LBHD2: variants seen among roughly 807,000 people sequenced by gnomAD.
LBHD2 encodes LBH domain-containing protein 2.
At chr14:103,086,192 G>A in intron 2 of LBHD2, 111 bp downstream of exon 2, 1 of 397,756 alleles carries the variant, frequency 2.5e-6, no homozygotes, top group Non-Finnish European at 4.4e-6. Context: ...CATCTGGGTG[G>A]GGGAGATCAT....
chr14:103,085,189 TCTGCTCTCCCA>T (rs995735654), intron 1 of LBHD2, among the ~76,000 whole-genome samples: 2 of 152,146 alleles, frequency 1.3e-5, no homozygotes, highest in African/African-American at 4.8e-5. Context: ...CCTGCTGGTC[TCTGCTCTCCCA>T]CTGCCTTGTC....
At position 103,088,442 on chromosome 14, in the gene LBHD2, C is replaced by T. The variant is rs375127387; in HGVS notation, c.226+201C>T. On this transcript the variant is annotated intron_variant, in intron 3 of 3. Coordinates refer to ENST00000634353, the MANE Select transcript of LBHD2 (RefSeq NM_001330236.2). ...CTTAACCCCCCTCCCTAGCACCGTC[C>T]TCCCTCCCACCTGCAAATGAGGTCC... Among the ~76,000 whole-genome samples, 17 of 152,374 alleles carry T rather than the reference C, an allele frequency of 1.1e-4. No individual in the cohort carries two copies. In the South Asian group the frequency reaches 3.5e-3, roughly 32 times the overall value.
chr14:103,089,714 C>T lies in LBHD2; in HGVS notation c.244C>T (p.Pro82Ser). Residue 82 changes from proline (P) to serine (S), a missense_variant, in exon 4 of 4, where the codon CCC (proline) becomes TCC (serine). By Grantham distance (74) the Pro-to-Ser change is moderately conservative (BLOSUM62 -1). Transcript: ENST00000634353. ...TTCTGCAGCCCCCTCGCCGAGTCTG[C>T]CCGGAGAACCAGGGAAAGCTGCAGA... ...RAAAAPSPSL[P>S]GEPGKAADNA... 2.5e-6 allele frequency: 1 copy of T among 398,684 alleles called. No homozygotes were observed. The highest frequency in any genetic ancestry group is 4.4e-6 in the Non-Finnish European group (1 of 226,084). 24.7% of individuals were successfully genotyped at this position (398,684 alleles called of 1,614,324 possible).
At position 103,089,668 on chromosome 14, in the gene LBHD2, C is replaced by G. The variant is rs930576613; in HGVS notation, c.227-29C>G. Reference sequence around the variant, plus strand: ...TCTCAGGCTGCACTCCCCCCGCCGACCAACACGGCCGCCTTTATGTTTCTG... The same window carrying G: ...TCTCAGGCTGCACTCCCCCCGCCGAGCAACACGGCCGCCTTTATGTTTCTG... On this transcript the variant is annotated intron_variant, in intron 3 of 3. Transcript: ENST00000634353. The G allele has an allele frequency of 7.5e-6, 3 of 398,548 alleles. No homozygotes were observed. The Admixed American group carries it at 1.3e-4, about 18-fold the overall frequency. The allele number at this position is 398,548 out of a possible 1,614,324, so 24.7% of individuals were successfully genotyped here. A position where few individuals can be genotyped will look rare whatever the true frequency, so the allele number is the denominator to read the frequency against.
chr14:103,085,980 C>T lies in LBHD2; in HGVS notation c.-33C>T, dbSNP rs1170053816. Reference sequence around the variant, plus strand: ...ACACCCCATTTCTGCTCCCAGTCCTCGTGCAGCTTAGTGGCGCAGTGGCGG... The same window carrying T: ...ACACCCCATTTCTGCTCCCAGTCCTTGTGCAGCTTAGTGGCGCAGTGGCGG... On this transcript the variant is annotated 5_prime_UTR_variant, in exon 2 of 4. Transcript: ENST00000634353. 15 of 398,550 alleles carry T rather than the reference C, an allele frequency of 3.8e-5. No individual in the cohort carries two copies. Among genetic ancestry groups the T allele is most frequent in the African/African-American group, 1.2e-4 (6 of 48,626 alleles). The allele number at this position is 398,550 out of a possible 1,614,324, so 24.7% of individuals were successfully genotyped here. A position where few individuals can be genotyped will look rare whatever the true frequency, so the allele number is the denominator to read the frequency against.
chr14:103,087,451 G>T (rs1234770663), intron 2 of LBHD2, among the ~76,000 whole-genome samples: 2 of 152,238 alleles, frequency 1.3e-5, no homozygotes, highest in African/African-American at 4.8e-5. Context: ...GGGCAGGCAA[G>T]TCAGGGCCAC....
chr14:103,087,591 C>A (rs1182324985), intron 2 of LBHD2, among the ~76,000 whole-genome samples: 7 of 152,214 alleles, frequency 4.6e-5, no homozygotes, highest in Admixed American at 1.3e-4. Flanking sequence ...GGGCACTGAA[C>A]AATGAGCCAA....
Position 103,088,232 on chromosome 14 carries a change from G to A in LBHD2, c.217G>A (p.Ala73Thr). The A allele has an allele frequency of 2.5e-6, 1 of 398,894 alleles. No homozygotes were observed. Among genetic ancestry groups the A allele is most frequent in the Non-Finnish European group, 4.4e-6 (1 of 226,278 alleles). The allele number at this position is 398,894 out of a possible 1,614,324, so 24.7% of individuals were successfully genotyped here. A position where few individuals can be genotyped will look rare whatever the true frequency, so the allele number is the denominator to read the frequency against. Reference sequence around the variant, plus strand: ...CCAGAGGGGCCCCTCTCAGAGCCGGGCTGCTGCTGGTAAGTGAGGGTGCCT... The same window carrying A: ...CCAGAGGGGCCCCTCTCAGAGCCGGACTGCTGCTGGTAAGTGAGGGTGCCT... Reference protein sequence around the residue: ...SAQRGPSQSRAAAAPSPSLPG... With the variant: ...SAQRGPSQSRTAAAPSPSLPG... The change falls in exon 3 of 4, where the codon GCT (alanine) becomes ACT (threonine). Residue 73 changes from alanine to threonine, a missense_variant. Physicochemically the swap from Ala to Thr is moderately conservative, Grantham distance 58. Transcript: ENST00000634353.
At chr14:103,084,999 G>A (rs368392461) in intron 1 of LBHD2, among the ~76,000 whole-genome samples, 5 of 152,120 alleles carry the variant, frequency 3.3e-5, no homozygotes, top group Non-Finnish European at 7.4e-5. Flanking sequence ...CCGCTGCCCC[G>A]AGAGGCCTCC....
intron 1 of LBHD2, 34 bp downstream of exon 1, chr14:103,084,381 G>C (rs1003460188): frequency 6.6e-6 from 1 of 152,304 alleles, no homozygotes; most frequent in Non-Finnish European, 1.5e-5. Flanking sequence ...GGAGCATGGG[G>C]GGGGATTTGG....
At chr14:103,087,760 C>G (rs2090084565) in intron 2 of LBHD2, among the ~76,000 whole-genome samples, 1 of 152,186 alleles carries the variant, frequency 6.6e-6, no homozygotes, top group Admixed American at 6.5e-5. Context: ...AGCCTGGGCT[C>G]ATTCCTGGTG....
intron 2 of LBHD2, 76 bp from the exon 3 acceptor site, chr14:103,088,009 G>GGGTC (rs1304905968): frequency 5.0e-6 from 2 of 398,298 alleles, no homozygotes; most frequent in Non-Finnish European, 8.8e-6. Flanking sequence ...TAGTGGGGCA[G>GGGTC]TGTGCAGGAC....
chr14:103,087,616 C>T (rs1889652802), intron 2 of LBHD2, among the ~76,000 whole-genome samples: 2 of 152,212 alleles, frequency 1.3e-5, no homozygotes, highest in Non-Finnish European at 2.9e-5. Flanking sequence ...AAGCCCAGAG[C>T]CAGCCGTTTG....
At chr14:103,089,119 TG>T (rs2139447526) in intron 3 of LBHD2, among the ~76,000 whole-genome samples, 1 of 152,228 alleles carries the variant, frequency 6.6e-6, no homozygotes, top group African/African-American at 2.4e-5. Flanking sequence ...TGAGGGCCAC[TG>T]GGGGCTGGGC....
At position 103,088,106 on chromosome 14, in the gene LBHD2, A is replaced by T; in HGVS notation, c.91A>T (p.Lys31Ter). The T allele has an allele frequency of 2.5e-6, 1 of 398,666 alleles. No individual in the cohort carries two copies. Among genetic ancestry groups the T allele is most frequent in the Non-Finnish European group, 4.4e-6 (1 of 226,174 alleles). 24.7% of individuals were successfully genotyped at this position (398,666 alleles called of 1,614,324 possible). A position where few individuals can be genotyped will look rare whatever the true frequency, so the allele number is the denominator to read the frequency against. The change falls in exon 3 of 4, where the codon AAG (lysine) becomes TAG (stop). Residue 31 changes from lysine to a stop codon, truncating the protein, a stop_gained. Coordinates refer to ENST00000634353, the MANE Select transcript of LBHD2 (RefSeq NM_001330236.2). LOFTEE classifies it high-confidence loss of function. ...GCAGGCTGTGGCAGGTGCCTGGGAG[A>T]AGGGCCCTCGGCTGGGCCAGCGGCT... ...EGKAVAGAWE[K>*]GPRLGQRLPS...
chr14:103,085,524 T>C (rs985332442), intron 1 of LBHD2, among the ~76,000 whole-genome samples: 2 of 152,124 alleles, frequency 1.3e-5, no homozygotes, highest in African/African-American at 4.8e-5. Context: ...GCAGGGTGCA[T>C]GCTCTCGAGG....
chr14:103,085,321 A>C (rs943812708), intron 1 of LBHD2, among the ~76,000 whole-genome samples: 10 of 151,976 alleles, frequency 6.6e-5, no homozygotes, highest in Admixed American at 2.0e-4. Flanking sequence ...CCAAGAGCCC[A>C]CACGGCCCGA....
chr14:103,089,207 G>A (rs1490110430), intron 3 of LBHD2, among the ~76,000 whole-genome samples: 7 of 152,102 alleles, frequency 4.6e-5, no homozygotes, highest in African/African-American at 7.2e-5. Context: ...CCCTGAGGAG[G>A]AAGTGAATTC....
chr14:103,089,753 G>T lies in LBHD2; in HGVS notation c.283G>T (p.Glu95Ter), dbSNP rs534861542. ...GAAAGCTGCAGATAACGCTGGCAGCGAGTGTGCCTGCTCCGAGGACCCAGC... is the reference window on the plus strand; with the variant it reads ...GAAAGCTGCAGATAACGCTGGCAGCTAGTGTGCCTGCTCCGAGGACCCAGC... ...PGKAADNAGS[E>*]CACSEDPAAP... The change falls in exon 4 of 4, where the codon GAG becomes TAG. Residue 95 changes from glutamate to a stop codon, truncating the protein, a stop_gained. Transcript: ENST00000634353. LOFTEE classifies it low-confidence loss of function (END_TRUNC). The T allele has an allele frequency of 5.0e-6, 2 of 398,698 alleles. No homozygotes were observed. Among genetic ancestry groups the T allele is most frequent in the Non-Finnish European group, 8.8e-6 (2 of 226,110 alleles). 24.7% of individuals were successfully genotyped at this position (398,698 alleles called of 1,614,324 possible).
Sources: gnomAD v4.1 joint callset for allele counts (sites outside exome capture counted in the v4.1 genomes callset) on GRCh38, gnomAD v4.1.1 for gene constraint, MANE v1.5 for transcripts, NCBI Gene and HGNC (gene_info 2026-07-23, HGNC 2026-07-21) for gene names.